ADARB2: variants seen among roughly 807,000 people sequenced by gnomAD.
ADARB2 encodes inactive double-stranded RNA-specific editase B2.
ADARB2 carries 25 observed loss-of-function variants against 62.2 expected under a neutral mutation model. The observed-to-expected ratio is 0.40, with a 90% CI of 0.29 to 0.56. The LOEUF (loss-of-function observed/expected upper bound fraction) is 0.56, where lower values mean the gene tolerates loss of function less well. ADARB2 is among the 20% of genes least tolerant of loss of function. The pLI is 0.43. For synonymous variants in ADARB2, 572 were observed against 500.8 expected (o/e 1.14, Z -1.90); for missense variants, 1,071 against 1,077.4 (o/e 0.99, Z 0.08).
At chr10:1,351,576 T>C (rs1469482696) in intron 3 of ADARB2, among the ~76,000 whole-genome samples, 1 of 152,046 alleles carries the variant, frequency 6.6e-6, no homozygotes, top group Non-Finnish European at 1.5e-5. Flanking sequence ...TTCCCCCAGT[T>C]CAAAGCCTCC....
chr10:1,297,029 C>G (rs1831529435), intron 3 of ADARB2, among the ~76,000 whole-genome samples: 1 of 152,152 alleles, frequency 6.6e-6, no homozygotes, highest in African/African-American at 2.4e-5. Flanking sequence ...ATACAAAATA[C>G]CTATCTAAAC....
At chr10:1,486,135 C>A (rs761593804) in intron 1 of ADARB2, among the ~76,000 whole-genome samples, 1 of 152,044 alleles carries the variant, frequency 6.6e-6, no homozygotes, top group Non-Finnish European at 1.5e-5. Flanking sequence ...CCAATTATCT[C>A]AAGCTCTACT....
At chr10:1,727,671 C>T (rs1414414308) in intron 1 of ADARB2, among the ~76,000 whole-genome samples, 1 of 152,076 alleles carries the variant, frequency 6.6e-6, no homozygotes, top group Non-Finnish European at 1.5e-5. Flanking sequence ...TTTTTGTAAG[C>T]CCATCTGATG....
intron 1 of ADARB2, among the ~76,000 whole-genome samples, chr10:1,600,393 G>A (rs1451535753): frequency 1.3e-5 from 2 of 152,106 alleles, no homozygotes; most frequent in Admixed American, 6.5e-5. Flanking sequence ...GGGCACAGTG[G>A]CTCACGCCTA....
chr10:1,656,998 G>GTTTT (rs1367429858), intron 1 of ADARB2, among the ~76,000 whole-genome samples: 2 of 58,170 alleles, frequency 3.4e-5, no homozygotes, highest in Non-Finnish European at 7.6e-5. Flanking sequence ...CCCATCTAGT[G>GTTTT]TTTTGTGTGT....
At chr10:1,358,528 G>T (rs1832218220) in intron 3 of ADARB2, among the ~76,000 whole-genome samples, 1 of 152,120 alleles carries the variant, frequency 6.6e-6, no homozygotes, top group Admixed American at 6.6e-5. Context: ...GCCCAGGGAT[G>T]CCCCAGGTGC....
intron 3 of ADARB2, among the ~76,000 whole-genome samples, chr10:1,273,179 C>T (rs76212263): frequency 0.027 from 3,808 of 138,938 alleles, 68 homozygotes; most frequent in African/African-American, 0.047. Context: ...TGGGGTTGGA[C>T]GTGTCTTTCT....
chr10:1,345,096 G>GCA (rs1589198793), intron 3 of ADARB2, among the ~76,000 whole-genome samples: 1 of 151,422 alleles, frequency 6.6e-6, no homozygotes, highest in East Asian at 1.9e-4. Context: ...CGCAGCCTCG[G>GCA]GTGTGAGCCA....
intron 3 of ADARB2, among the ~76,000 whole-genome samples, chr10:1,353,694 G>T (rs927950171): frequency 6.6e-6 from 1 of 152,096 alleles, no homozygotes; most frequent in African/African-American, 2.4e-5. Context: ...ATTCCCCTGG[G>T]TAACCTTTCA....
chr10:1,327,362 C>A (rs368067632), intron 3 of ADARB2, among the ~76,000 whole-genome samples: 307 of 25,522 alleles, frequency 0.012, 110 homozygotes, highest in African/African-American at 0.051. Context: ...TCCTCACGGC[C>A]CAGCGCCTCC....
intron 1 of ADARB2, among the ~76,000 whole-genome samples, chr10:1,607,634 T>C (rs1335040039): frequency 6.6e-6 from 1 of 152,158 alleles, no homozygotes; most frequent in East Asian, 1.9e-4. Context: ...TCCAGTAAAG[T>C]ACGAGAGCTC....
intron 3 of ADARB2, among the ~76,000 whole-genome samples, chr10:1,358,791 TA>T (rs1012810884): frequency 1.3e-5 from 2 of 152,068 alleles, no homozygotes; most frequent in Non-Finnish European, 2.9e-5. Flanking sequence ...CATGAAAATT[TA>T]AAAAACAAAG....
Position 1,621,114 on chromosome 10 carries a change from C to A in ADARB2, c.100+115937G>T, listed in dbSNP as rs574322675. 4.6e-5 allele frequency among the ~76,000 whole-genome samples: 7 copies of A among 152,212 alleles called. No homozygotes were observed. In the South Asian group the frequency reaches 1.4e-3, roughly 32 times the overall value. On this transcript the variant is annotated intron_variant, in intron 1 of 9. Coordinates refer to ENST00000381312, the MANE Select transcript of ADARB2 (RefSeq NM_018702.4). ...CTGCTGGTCCTTGCAAGTATGAGAA[C>A]AAAACAAACAAAATAAACAAACATG...
chr10:1,455,777 T>C (rs977045778), intron 1 of ADARB2, among the ~76,000 whole-genome samples: 2 of 152,222 alleles, frequency 1.3e-5, no homozygotes, highest in Non-Finnish European at 2.9e-5. Context: ...TTATTTTTTA[T>C]AGGGAAGAAC....
chr10:1,418,687 T>C (rs17156289), intron 1 of ADARB2, among the ~76,000 whole-genome samples: 8,047 of 152,216 alleles, frequency 0.053, 230 homozygotes, highest in East Asian at 0.092. Context: ...TATGTGACTA[T>C]CCAGACTATT....
At chr10:1,216,793 T>C (rs1208286481) in intron 7 of ADARB2, 158 bp downstream of exon 7, 17 of 995,224 alleles carry the variant, frequency 1.7e-5, no homozygotes, top group Non-Finnish European at 2.5e-5. Context: ...GGACTGAACA[T>C]GTGGAATGGC....
intron 7 of ADARB2, among the ~76,000 whole-genome samples, chr10:1,209,671 TCACATC>T (rs1837122573): frequency 7.5e-6 from 1 of 133,864 alleles, no homozygotes; most frequent in Non-Finnish European, 1.6e-5. Context: ...TCACCCACAC[TCACATC>T]CACACCCACA....
intron 1 of ADARB2, among the ~76,000 whole-genome samples, chr10:1,658,345 TTC>T (rs1272500555): frequency 2.0e-5 from 3 of 151,318 alleles, no homozygotes; most frequent in Non-Finnish European, 4.4e-5. Context: ...CTCTATCTGA[TTC>T]TCTGATTCTC....
At chr10:1,228,196 G>T (rs1830765451) in intron 6 of ADARB2, among the ~76,000 whole-genome samples, 1 of 152,200 alleles carries the variant, frequency 6.6e-6, no homozygotes, top group Non-Finnish European at 1.5e-5. Context: ...GTAAATATAT[G>T]ACATCATCTA....
Sources: gnomAD v4.1 joint callset for allele counts (sites outside exome capture counted in the v4.1 genomes callset) on GRCh38, gnomAD v4.1.1 for gene constraint, MANE v1.5 for transcripts, NCBI Gene and HGNC (gene_info 2026-07-23, HGNC 2026-07-21) for gene names.